ZNF679: variants seen among roughly 807,000 people sequenced by gnomAD.
ZNF679 encodes the protein zinc finger protein 679.
In ZNF679, 10 loss-of-function variants were observed where a neutral mutation model predicts 13.4. The observed-to-expected ratio is 0.75, with a 90% CI of 0.46 to 1.27. The LOEUF (loss-of-function observed/expected upper bound fraction) is 1.27. ZNF679 is among the 50% of genes most tolerant of loss of function. The pLI is 0.00. For synonymous variants in ZNF679, 179 were observed against 162.5 expected (o/e 1.10, Z -0.77); for missense variants, 525 against 477.8 (o/e 1.10, Z -0.92).
intron 2 of ZNF679, among the ~76,000 whole-genome samples, chr7:64,256,262 T>A (rs149230156): frequency 6.6e-6 from 1 of 152,210 alleles, no homozygotes; most frequent in East Asian, 1.9e-4. Flanking sequence ...TCCTTTCTTA[T>A]AGCTGCATCA....
At chr7:64,241,237 T>A in intron 1 of ZNF679, among the ~76,000 whole-genome samples, 1 of 152,204 alleles carries the variant, frequency 6.6e-6, no homozygotes, top group East Asian at 1.9e-4. Context: ...GTTTTTGCCC[T>A]AAGACTAACT....
At position 64,260,911 on chromosome 7, in the gene ZNF679, A is replaced by G. The variant is rs1344938756; in HGVS notation, c.244A>G (p.Met82Val). Reference protein sequence around the residue: ...KEPWNIKRNEMVTKHPVMCSH... With the variant: ...KEPWNIKRNEVVTKHPVMCSH... ...GCCTTGGAATATAAAGAGAAATGAG[A>G]TGGTAACCAAACACCCAGGTAAGTG... The change falls in exon 4 of 5, where the codon ATG becomes GTG. Residue 82 changes from methionine to valine, a missense_variant. Physicochemically the swap from Met to Val is conservative, Grantham distance 21. Coordinates refer to ENST00000421025, the MANE Select transcript of ZNF679 (RefSeq NM_153363.3). The G allele has an allele frequency of 6.2e-7, 1 of 1,611,080 alleles. No homozygotes were observed. Among genetic ancestry groups the G allele is most frequent in the East Asian group, 2.2e-5 (1 of 44,802 alleles).
chr7:64,260,192 GT>G (rs148786982), intron 2 of ZNF679, 28 bp from the exon 3 acceptor site: 10 of 1,579,886 alleles, frequency 6.3e-6, no homozygotes, highest in African/African-American at 2.7e-5. Flanking sequence ...GTTCATGAGT[GT>G]TTTTTTGTTG....
At chr7:64,229,666 C>T (rs1416516839) in intron 1 of ZNF679, among the ~76,000 whole-genome samples, 2 of 152,058 alleles carry the variant, frequency 1.3e-5, no homozygotes, top group Non-Finnish European at 2.9e-5. Flanking sequence ...TTCCTGTGAC[C>T]TTTTATAAGG....
chr7:64,229,341 G>A (rs545438901), intron 1 of ZNF679, among the ~76,000 whole-genome samples: 7 of 152,238 alleles, frequency 4.6e-5, no homozygotes, highest in South Asian at 2.1e-4. Flanking sequence ...TTTCCCAAGC[G>A]TAACAGTGAG....
chr7:64,266,575 C>G lies in ZNF679; in HGVS notation c.942C>G (p.His314Gln). ...GCTTATCCTCATCCCTCACTTACCA[C>G]AAGAGAATTCATACTGGAGAGAAAC... The part of the protein sequence containing the change: ...AFSLSSSLTY[H>Q]KRIHTGEKPY... The change falls in exon 5 of 5, where the codon CAC (histidine) becomes CAG (glutamine). Residue 314 changes from histidine (H) to glutamine (Q), a missense_variant. His to Gln is a conservative substitution (Grantham distance 24, BLOSUM62 0). Transcript: ENST00000421025. 1 of 1,610,216 alleles carries G rather than the reference C, an allele frequency of 6.2e-7. No individual in the cohort carries two copies. The highest frequency in any genetic ancestry group is 1.7e-5 in the Admixed American group (1 of 59,780).
intron 4 of ZNF679, among the ~76,000 whole-genome samples, chr7:64,261,406 C>A (rs901636342): frequency 1.3e-5 from 2 of 151,738 alleles, no homozygotes; most frequent in Non-Finnish European, 2.9e-5. Context: ...TTTTTTACAA[C>A]TTTTTTATTT....
intron 2 of ZNF679, among the ~76,000 whole-genome samples, chr7:64,258,359 G>A (rs1216424534): frequency 6.6e-6 from 1 of 152,040 alleles, no homozygotes; most frequent in East Asian, 1.9e-4. Context: ...CAGAGAAAGA[G>A]GAGGAAAAGA....
At chr7:64,246,357 G>A (rs1436891501) in intron 1 of ZNF679, among the ~76,000 whole-genome samples, 1 of 152,098 alleles carries the variant, frequency 6.6e-6, no homozygotes, top group African/African-American at 2.4e-5. Flanking sequence ...ATCCTTTTGT[G>A]ATTCACTGAA....
intron 1 of ZNF679, among the ~76,000 whole-genome samples, chr7:64,241,265 T>C (rs1472992728): frequency 6.6e-6 from 1 of 152,116 alleles, no homozygotes; most frequent in Non-Finnish European, 1.5e-5. Context: ...TCAAAATATC[T>C]TCAGGTATGA....
chr7:64,247,358 G>C (rs1001184102), intron 1 of ZNF679, among the ~76,000 whole-genome samples: 3 of 152,132 alleles, frequency 2.0e-5, no homozygotes, highest in African/African-American at 7.2e-5. Flanking sequence ...AAACGCCTCT[G>C]ACATGGCCAC....
At chr7:64,249,870 C>G (rs1408085638) in intron 2 of ZNF679, among the ~76,000 whole-genome samples, 1 of 152,128 alleles carries the variant, frequency 6.6e-6, no homozygotes, top group African/African-American at 2.4e-5. Flanking sequence ...GAGAGGGAGT[C>G]TTGCTCTGTT....
intron 4 of ZNF679, among the ~76,000 whole-genome samples, chr7:64,262,042 G>T (rs1023093886): frequency 6.6e-6 from 1 of 152,114 alleles, no homozygotes; most frequent in Non-Finnish European, 1.5e-5. Context: ...TTTTAGTAGA[G>T]ATGGGGTTTC....
rs150963203 is a variant in ZNF679 at position 64,247,375 on chromosome 7, C to G, written c.-90-1653C>G. Among the ~76,000 whole-genome samples the G allele has an allele frequency of 4.4e-3, 666 of 152,248 alleles. 3 individuals are homozygous for G. Among genetic ancestry groups the G allele is most frequent in the African/African-American group, 0.015 (626 of 41,528 alleles). ...ACGCCTCTGACATGGCCACAGAGTG[C>G]TGGAATGTGGCTGGTCTGAACTGCA... On this transcript the variant is annotated intron_variant, in intron 1 of 4. Transcript: ENST00000421025.
At chr7:64,239,189 T>C (rs893463550) in intron 1 of ZNF679, among the ~76,000 whole-genome samples, 3 of 152,128 alleles carry the variant, frequency 2.0e-5, no homozygotes, top group Non-Finnish European at 4.4e-5. Flanking sequence ...AGAGTTGTAA[T>C]TGTGACTCTC....
chr7:64,235,600 C>G (rs1371863107), intron 1 of ZNF679, among the ~76,000 whole-genome samples: 2 of 151,840 alleles, frequency 1.3e-5, no homozygotes, highest in East Asian at 3.9e-4. Context: ...ACCAGGTTGC[C>G]CAAAATGGTG....
intron 1 of ZNF679, among the ~76,000 whole-genome samples, chr7:64,236,977 A>AAAGAAAG (rs1562840387): frequency 1.5e-3 from 34 of 22,610 alleles, no homozygotes; most frequent in African/African-American, 2.8e-3. Context: ...AAGAAAGAAA[A>AAAGAAAG]AGAAAGAAAG....
At position 64,266,323 on chromosome 7, in the gene ZNF679, T is replaced by TA; in HGVS notation, c.694dup (p.Arg232LysfsTer12). Reference sequence around the variant, plus strand: ...ACTGCTCTTCAACCCTTTCTAAACATAAAAGAATTCATACTGGAGAGAAAC... The same window carrying TA: ...ACTGCTCTTCAACCCTTTCTAAACATAAAAAGAATTCATACTGGAGAGAAAC... On this transcript the variant is annotated frameshift_variant, in exon 5 of 5. Coordinates refer to ENST00000421025, the MANE Select transcript of ZNF679 (RefSeq NM_153363.3). LOFTEE classifies it low-confidence loss of function (END_TRUNC). The TA allele has an allele frequency of 1.2e-6, 2 of 1,612,762 alleles. No individual in the cohort carries two copies.
chr7:64,233,266 AAAG>A (rs1047699412), intron 1 of ZNF679, among the ~76,000 whole-genome samples: 10 of 151,510 alleles, frequency 6.6e-5, no homozygotes, highest in South Asian at 2.1e-4. Flanking sequence ...AAAAAAAAAA[AAAG>A]AAAGAAAGAA....
Sources: gnomAD v4.1 joint callset for allele counts (sites outside exome capture counted in the v4.1 genomes callset) on GRCh38, gnomAD v4.1.1 for gene constraint, MANE v1.5 for transcripts, NCBI Gene and HGNC (gene_info 2026-07-23, HGNC 2026-07-21) for gene names.